TNIP3: variants seen among roughly 807,000 people sequenced by gnomAD.
TNIP3 encodes TNFAIP3-interacting protein 3.
A neutral mutation model predicts 54.1 loss-of-function variants in TNIP3; 34 were observed. That is an observed-to-expected ratio of 0.63 (90% CI 0.48 to 0.84). The LOEUF is 0.84. Among genes scored for constraint, TNIP3 ranks in the 40% least tolerant of loss-of-function variants. TNIP3 has a pLI of 0.00. For missense variants in TNIP3, 366 were observed against 387.6 expected (o/e 0.94, Z 0.47); for synonymous variants, 134 against 136.8 (o/e 0.98, Z 0.14).
chr4:121,156,304 G>A (rs755326148), intron 4 of TNIP3, among the ~76,000 whole-genome samples: 1 of 152,138 alleles, frequency 6.6e-6, no homozygotes, highest in Non-Finnish European at 1.5e-5. Context: ...AAAATAACGA[G>A]GGGCCATTAG....
chr4:121,186,337 A>G (rs1725018046), intron 2 of TNIP3, among the ~76,000 whole-genome samples: 1 of 152,154 alleles, frequency 6.6e-6, no homozygotes, highest in Non-Finnish European at 1.5e-5. Context: ...AGCACACAGG[A>G]GGGGTGGAGC....
intron 2 of TNIP3, among the ~76,000 whole-genome samples, chr4:121,197,051 C>T (rs2148836887): frequency 6.6e-6 from 1 of 151,944 alleles, no homozygotes; most frequent in Non-Finnish European, 1.5e-5. Flanking sequence ...TTAAAAAATA[C>T]AATGTGTTAA....
chr4:121,226,919 C>G (rs1267558197), intron 1 of TNIP3, among the ~76,000 whole-genome samples: 1 of 134,870 alleles, frequency 7.4e-6, no homozygotes, highest in Non-Finnish European at 1.6e-5. Context: ...CAGAGGAACA[C>G]ACTAAATGGA....
chr4:121,219,177 G>A (rs558531981), upstream of TNIP3, among the ~76,000 whole-genome samples: 4 of 151,854 alleles, frequency 2.6e-5, no homozygotes, highest in South Asian at 8.3e-4. Flanking sequence ...TCCAGCCTGG[G>A]CAACAAGAAT....
chr4:121,177,099 T>C (rs1010614470), intron 3 of TNIP3, among the ~76,000 whole-genome samples: 1 of 152,234 alleles, frequency 6.6e-6, no homozygotes, highest in Non-Finnish European at 1.5e-5. Flanking sequence ...ATTGGAACCA[T>C]ATTTGTTTAT....
At chr4:121,134,343 A>G (rs745705958) in intron 10 of TNIP3, among the ~76,000 whole-genome samples, 3 of 152,224 alleles carry the variant, frequency 2.0e-5, no homozygotes, top group Non-Finnish European at 4.4e-5. Context: ...AGGAAGAAAC[A>G]AACAACATGT....
chr4:121,160,667 C>T (rs902643730), intron 2 of TNIP3, among the ~76,000 whole-genome samples: 2 of 152,054 alleles, frequency 1.3e-5, no homozygotes, highest in African/African-American at 4.8e-5. Context: ...TATGATAATG[C>T]TTTTTAACTC....
chr4:121,138,299 TGTA>T (rs2148794541), intron 10 of TNIP3, among the ~76,000 whole-genome samples: 1 of 152,350 alleles, frequency 6.6e-6, no homozygotes, highest in African/African-American at 2.4e-5. Context: ...ATCTGTGCTT[TGTA>T]GTACAATTGC....
chr4:121,164,892 A>G (rs140183816), upstream of TNIP3, among the ~76,000 whole-genome samples: 146 of 152,184 alleles, frequency 9.6e-4, 3 homozygotes, highest in East Asian at 0.024. Context: ...AAATCTTCTC[A>G]TGGAGAATCA....
intron 2 of TNIP3, among the ~76,000 whole-genome samples, chr4:121,207,992 T>C (rs143343686): frequency 1.3e-5 from 2 of 152,290 alleles, no homozygotes; most frequent in South Asian, 2.1e-4. Context: ...TGAAATCTGA[T>C]GGTTTTATCA....
chr4:121,165,715 T>A (rs1054129527), upstream of TNIP3, among the ~76,000 whole-genome samples: 3 of 151,950 alleles, frequency 2.0e-5, no homozygotes, highest in African/African-American at 7.3e-5. Flanking sequence ...GGTTTCTTGT[T>A]ATGTTTGGGT....
upstream of TNIP3, among the ~76,000 whole-genome samples, chr4:121,168,521 C>CT (rs35307961): frequency 0.33 from 43,342 of 132,122 alleles, 7,641 homozygotes; most frequent in African/African-American, 0.53. Flanking sequence ...CTTTTCTTTG[C>CT]TTTTTTTTTT....
rs1383667262 is a variant in TNIP3, at chr4:121,187,289, C to T, written c.69-4493G>A. ...TTCTGTGGGTACATAGTTGTTCCCA[C>T]CTTGGGATCTGTTCCAAGAATCTGC... is the stretch of plus-strand genomic sequence containing the variant. On this transcript the variant is annotated intron_variant, in intron 2 of 12. Coordinates refer to the TNIP3 transcript ENST00000507879. Among the ~76,000 whole-genome samples, 4 of 152,210 alleles carry T rather than the reference C, an allele frequency of 2.6e-5. No individual in the cohort carries two copies. In the East Asian group the frequency reaches 7.7e-4, roughly 29 times the overall value.
intron 2 of TNIP3, 126 bp downstream of exon 2, chr4:121,161,010 G>T (rs947317887): frequency 4.0e-6 from 3 of 743,606 alleles, no homozygotes; most frequent in Non-Finnish European, 6.7e-6. Flanking sequence ...AAATAGTGCA[G>T]TCCAGTATCT....
At chr4:121,184,988 A>C (rs17051309) in intron 2 of TNIP3, among the ~76,000 whole-genome samples, 3,829 of 152,304 alleles carry the variant, frequency 0.025, 158 homozygotes, top group African/African-American at 0.086. Context: ...TCTAAATGTT[A>C]AGCTCTTGAG....
intron 1 of TNIP3, among the ~76,000 whole-genome samples, chr4:121,226,117 A>AAG (rs1017846253): frequency 6.6e-6 from 1 of 151,658 alleles, no homozygotes; most frequent in South Asian, 2.1e-4. Flanking sequence ...GGGAGACAGA[A>AAG]AGAGAGAGAG....
intron 1 of TNIP3, among the ~76,000 whole-genome samples, chr4:121,226,878 C>G (rs1007968696): frequency 6.6e-6 from 1 of 152,104 alleles, no homozygotes; most frequent in Non-Finnish European, 1.5e-5. Flanking sequence ...TTCTATAGCA[C>G]CATGAAGAAC....
In TNIP3 at chr4:121,198,807, A is replaced by C. The variant is rs138596392; in HGVS notation, c.69-16011T>G. On this transcript the variant is annotated intron_variant, in intron 2 of 12. Transcript: ENST00000507879. ...AAGACAGTGTTAACAAAATCATGGA[A>C]TACGTTATGAGAACAAGCTGTTCTT... Among the ~76,000 whole-genome samples, 204 of 152,344 alleles carry C rather than the reference A, an allele frequency of 1.3e-3. 1 individual carries two copies. The highest frequency in any genetic ancestry group is 4.7e-3 in the African/African-American group (197 of 41,578).
chr4:121,168,233 G>A (rs1265720005), upstream of TNIP3, among the ~76,000 whole-genome samples: 2 of 151,848 alleles, frequency 1.3e-5, no homozygotes, highest in Non-Finnish European at 2.9e-5. Flanking sequence ...TTGAGACAGA[G>A]TCTCGCTCTG....
Sources: gnomAD v4.1 joint callset for allele counts (sites outside exome capture counted in the v4.1 genomes callset) on GRCh38, gnomAD v4.1.1 for gene constraint, MANE v1.5 for transcripts, NCBI Gene and HGNC (gene_info 2026-07-23, HGNC 2026-07-21) for gene names.